Variants in VPS52 observed in about 807,000 individuals in gnomAD.
The protein encoded by VPS52 is vacuolar protein sorting-associated protein 52 homolog.
Under a neutral mutation model 98.7 loss-of-function variants are expected in VPS52, and 56 were observed. The ratio of observed to expected loss-of-function variants is 0.57; its 90% CI spans 0.46 to 0.71. The LOEUF (loss-of-function observed/expected upper bound fraction) is 0.71, where lower values mean the gene tolerates loss of function less well. Ranked by LOEUF, VPS52 falls within the 30% of genes least tolerant of loss-of-function variation. VPS52 has a pLI of 0.00. For missense variants in VPS52, 742 were observed against 925.9 expected (o/e 0.80, Z 2.58); for synonymous variants, 348 against 346.4 (o/e 1.00, Z -0.05).
Position 33,264,472 on chromosome 6 carries a change from G to C in VPS52, c.1426C>G (p.Leu476Val), listed in dbSNP as rs538115685. The C allele has an allele frequency of 5.0e-6, 8 of 1,614,182 alleles. No individual in the cohort carries two copies. The Admixed American group carries it at 8.3e-5, about 17-fold the overall frequency. ...DRYWEQVLAL[L>V]WPRFELILEM... ...AGGATCAGTTCAAACCGTGGCCATAGCAAGGCAAGCACCTGTTCCCAGTAC... is the reference window on the plus strand; with the variant it reads ...AGGATCAGTTCAAACCGTGGCCATACCAAGGCAAGCACCTGTTCCCAGTAC... Residue 476 changes from leucine to valine, a missense_variant, in exon 14 of 20, where the codon CTA becomes GTA. Leu to Val is a conservative substitution (Grantham distance 32). Around this residue, in one of 2 missense-constraint regions of VPS52, gnomAD observed 590 missense variants for 793.3 expected, o/e 0.74. Transcript: ENST00000445902.
At chr6:33,269,627 A>C in intron 4 of VPS52, 70 bp from the exon 5 acceptor site, 1 of 1,579,142 alleles carries the variant, frequency 6.3e-7, no homozygotes, top group Non-Finnish European at 8.6e-7. Context: ...TACCTCTCCA[A>C]TTTCTCTTTG....
Position 33,256,336 on chromosome 6 carries a change from G to A in VPS52, c.1795-4365C>T, listed in dbSNP as rs182003451. ...AAAAAAAAGCCAAGTGTGGTGCTGT[G>A]TGCCTCTAGTCCTAGCTACTCGGGA... On this transcript the variant is annotated intron_variant, in intron 17 of 19. Coordinates refer to ENST00000445902, the MANE Select transcript of VPS52 (RefSeq NM_022553.6). 4.0e-5 allele frequency among the ~76,000 whole-genome samples: 6 copies of A among 150,712 alleles called. No homozygotes were observed. In the East Asian group the frequency reaches 7.8e-4, roughly 19 times the overall value.
In VPS52 at chr6:33,266,652, C is replaced by T. The variant is rs776931349; in HGVS notation, c.1186G>A (p.Glu396Lys). ...HYALLDNSCR[E>K]YLFICEFFVV... is the part of the protein sequence containing the mutation. ...AAAAATTCACAGATGAAAAGGTATTCGCGGCAGGAATTGTCTAGGAGGGCG... is the reference window on the plus strand; with the variant it reads ...AAAAATTCACAGATGAAAAGGTATTTGCGGCAGGAATTGTCTAGGAGGGCG... Residue 396 changes from glutamate (E) to lysine (K), a missense_variant, in exon 12 of 20, where the codon GAA (glutamate) becomes AAA (lysine). Glu to Lys is a moderately conservative substitution (Grantham distance 56, BLOSUM62 1). This residue lies in a region of VPS52 where 590 missense variants were observed against 793.3 expected (regional missense o/e 0.74). Coordinates refer to ENST00000445902, the MANE Select transcript of VPS52 (RefSeq NM_022553.6). The T allele has an allele frequency of 6.2e-7, 1 of 1,612,786 alleles. No individual in the cohort carries two copies. Among genetic ancestry groups the T allele is most frequent in the Non-Finnish European group, 8.5e-7 (1 of 1,179,958 alleles).
chr6:33,255,794 T>TAAAAAA (rs35038222), intron 17 of VPS52, among the ~76,000 whole-genome samples: 3 of 97,960 alleles, frequency 3.1e-5, no homozygotes, highest in African/African-American at 4.0e-5. Flanking sequence ...AGACTCTGTC[T>TAAAAAA]AAAAAAAAAA....
Position 33,264,385 on chromosome 6 carries a change from G to A in VPS52, c.1513C>T (p.Arg505Trp), listed in dbSNP as rs761693768. 13 of 1,614,106 alleles carry A rather than the reference G, an allele frequency of 8.1e-6. No individual in the cohort carries two copies. The highest frequency in any genetic ancestry group is 9.3e-6 in the Non-Finnish European group (11 of 1,180,004). Residue 505 changes from arginine to tryptophan, a missense_variant, in exon 14 of 20, where the codon CGG becomes TGG. By Grantham distance (101) the Arg-to-Trp change is moderately radical. This residue lies in a region of VPS52 where 590 missense variants were observed against 793.3 expected (regional missense o/e 0.74). Transcript: ENST00000445902. ...TTGCCCTCCCTCACATAGTGGGGCC[G>A]AGTATCCAACCCCCCTAGGCGCTGG... ...DPQRLGGLDT[R>W]PHYITRRYAE...
rs1314948720 is a variant in VPS52 at position 33,267,268 on chromosome 6, T to C, written c.1045A>G (p.Thr349Ala). Residue 349 changes from threonine (T) to alanine (A), a missense_variant, in exon 11 of 20, where the codon ACC becomes GCC. Physicochemically the swap from Thr to Ala is moderately conservative, Grantham distance 58. Around this residue, in one of 2 missense-constraint regions of VPS52, gnomAD observed 590 missense variants for 793.3 expected, o/e 0.74. Transcript: ENST00000445902. This position sits in a 1 kb window ranked among gnomAD's most constrained non-coding sequence, Gnocchi z 4.2. ...RSRNTIFTLG[T>A]RGSVISPTEL... ...GTGGGGGAGATGACAGAGCCGCGGG[T>C]TCCTAGGGTGAAAATGGTGTTCCTG... 2.5e-6 allele frequency: 4 copies of C among 1,604,298 alleles called. No homozygotes were observed. Among genetic ancestry groups the C allele is most frequent in the Non-Finnish European group, 3.4e-6 (4 of 1,175,840 alleles).
Position 33,268,661 on chromosome 6 carries a change from G to A in VPS52, c.549-12C>T. The A allele has an allele frequency of 6.3e-7, 1 of 1,589,980 alleles. No individual in the cohort carries two copies. Among genetic ancestry groups the A allele is most frequent in the Non-Finnish European group, 8.5e-7 (1 of 1,172,888 alleles). ...CCTCCAGAATTGCCCTGGTTAGCAGGGAGGGGTGGGATGAGTTACAAGGGA... is the reference window on the plus strand; with the variant it reads ...CCTCCAGAATTGCCCTGGTTAGCAGAGAGGGGTGGGATGAGTTACAAGGGA... On this transcript the variant is annotated splice_polypyrimidine_tract_variant and intron_variant, in intron 6 of 19. Transcript: ENST00000445902. The surrounding 1 kb of genome is among the most constrained non-coding windows in gnomAD (Gnocchi z 4.0).
At position 33,267,882 on chromosome 6, in the gene VPS52, G is replaced by T. The variant is rs190630827; in HGVS notation, c.916C>A (p.Arg306=). Residue 306 remains arginine, a synonymous_variant, in exon 9 of 20, where the codon CGG becomes AGG. Transcript: ENST00000445902. This position sits in a 1 kb window ranked among gnomAD's most constrained non-coding sequence, Gnocchi z 4.2. Reference sequence around the variant, plus strand: ...GACCTTACCTGCACCTTCATGAGCCGCCCCAGGTAAGAGCGGTAGTAAGAC... The same window carrying T: ...GACCTTACCTGCACCTTCATGAGCCTCCCCAGGTAAGAGCGGTAGTAAGAC... ...YLSYYRSYLG[R]LMKVQYEEVA... 111 of 1,612,866 alleles carry T rather than the reference G, an allele frequency of 6.9e-5. No homozygotes were observed. Among genetic ancestry groups the T allele is most frequent in the Admixed American group, 6.8e-4 (41 of 59,994 alleles).
intron 17 of VPS52, among the ~76,000 whole-genome samples, chr6:33,254,220 G>A (rs1023566633): frequency 1.3e-5 from 2 of 151,590 alleles, no homozygotes; most frequent in African/African-American, 4.8e-5. Context: ...GTTGTAGTGA[G>A]CCAAGATCAT....
At chr6:33,260,515 A>C (rs770946152) in intron 17 of VPS52, among the ~76,000 whole-genome samples, 3 of 152,134 alleles carry the variant, frequency 2.0e-5, no homozygotes, top group Non-Finnish European at 4.4e-5. Context: ...AGCTTGGCAA[A>C]AGTCACCATC....
At chr6:33,264,965 T>C (rs375434262) in intron 12 of VPS52, 65 bp from the exon 13 acceptor site, 12 of 1,376,538 alleles carry the variant, frequency 8.7e-6, no homozygotes, top group Middle Eastern at 1.8e-4. Context: ...TCAGTGACTA[T>C]GAACAAACGC....
At position 33,250,740 on chromosome 6, in the gene VPS52, A is replaced by C. The variant is rs1762116759; in HGVS notation, c.*101T>G. On this transcript the variant is annotated 3_prime_UTR_variant, in exon 20 of 20. Coordinates refer to ENST00000445902, the MANE Select transcript of VPS52 (RefSeq NM_022553.6). ...AGCCATGTCAAGGGCCTGGGAAGCA[A>C]GGGGAAAACTGGAAGGGGTACCCCA... 2 of 1,488,586 alleles carry C rather than the reference A, an allele frequency of 1.3e-6. No individual in the cohort carries two copies. The highest frequency in any genetic ancestry group is 1.8e-6 in the Non-Finnish European group (2 of 1,103,140). 92.2% of individuals were successfully genotyped at this position (1,488,586 alleles called of 1,614,324 possible).
intron 17 of VPS52, among the ~76,000 whole-genome samples, chr6:33,262,595 A>G (rs1190921216): frequency 6.6e-6 from 1 of 152,220 alleles, no homozygotes; most frequent in African/African-American, 2.4e-5. Flanking sequence ...TATTGTTCAC[A>G]ATAGCTAAGA....
chr6:33,267,686 C>T lies in VPS52; in HGVS notation c.987G>A (p.Lys329=). The change falls in exon 10 of 20, where the codon AAG becomes AAA. Residue 329 remains lysine (K), a synonymous_variant. Coordinates refer to ENST00000445902, the MANE Select transcript of VPS52 (RefSeq NM_022553.6). This position sits in a 1 kb window ranked among gnomAD's most constrained non-coding sequence, Gnocchi z 4.2. ...DDLMGVEDTA[K]KGFFSKPSLR... Reference sequence around the variant, plus strand: ...GGTTCCCCAGTACTAGGATATCTTTCTTTGCTGTATCTTCCACACCCATTA... The same window carrying T: ...GGTTCCCCAGTACTAGGATATCTTTTTTTGCTGTATCTTCCACACCCATTA... 1.2e-6 allele frequency: 2 copies of T among 1,613,046 alleles called. No homozygotes were observed. Among genetic ancestry groups the T allele is most frequent in the Non-Finnish European group, 1.7e-6 (2 of 1,180,030 alleles).
intron 17 of VPS52, among the ~76,000 whole-genome samples, chr6:33,252,598 A>G (rs1762418041): frequency 6.6e-6 from 1 of 151,198 alleles, no homozygotes; most frequent in Non-Finnish European, 1.5e-5. Context: ...CAAAAAAAAA[A>G]AAAAAAAAAA....
In VPS52 at chr6:33,271,681, G is replaced by A. The variant is rs749520033; in HGVS notation, c.-6C>T. 1.1e-5 allele frequency: 18 copies of A among 1,604,446 alleles called. No individual in the cohort carries two copies. Among genetic ancestry groups the A allele is most frequent in the Middle Eastern group, 2.0e-4 (1 of 5,042 alleles). ...ATGGTCGCAGCGGCGGCCATTCCCC[G>A]CAGCCTCACTTCCGGCAACTGTCAG... is the stretch of plus-strand genomic sequence containing the variant. On this transcript the variant is annotated 5_prime_UTR_variant, in exon 1 of 20. Transcript: ENST00000445902.
At chr6:33,251,836 A>G (rs759806530) in intron 18 of VPS52, 24 bp downstream of exon 18, 5 of 1,610,334 alleles carry the variant, frequency 3.1e-6, no homozygotes, top group Non-Finnish European at 4.2e-6. Context: ...CACTGATCCC[A>G]TCATTACCAT....
At chr6:33,260,789 C>T (rs1763538042) in intron 17 of VPS52, among the ~76,000 whole-genome samples, 1 of 152,052 alleles carries the variant, frequency 6.6e-6, no homozygotes, top group Non-Finnish European at 1.5e-5. Context: ...CACCTGAGGT[C>T]AGGAGTTTTA....
chr6:33,254,269 G>C (rs928016978), intron 17 of VPS52, among the ~76,000 whole-genome samples: 7 of 151,918 alleles, frequency 4.6e-5, no homozygotes, highest in Non-Finnish European at 8.8e-5. Flanking sequence ...GCAGCAACTT[G>C]TCTCAGTAAA....
Sources: allele counts gnomAD v4.1 joint callset (sites outside exome capture counted in the v4.1 genomes callset), GRCh38; gene constraint gnomAD v4.1.1; regional missense constraint gnomAD v4.1.1; non-coding constraint Gnocchi (gnomAD v3.1); transcripts MANE v1.5; gene names NCBI Gene and HGNC (gene_info 2026-07-23, HGNC 2026-07-21).